Variants in NUSAP1 observed in about 807,000 individuals in gnomAD.
The protein encoded by NUSAP1 is nucleolar and spindle-associated protein 1.
In NUSAP1, 32 loss-of-function variants were observed where a neutral mutation model predicts 52.8. The observed-to-expected ratio is 0.61, with a 90% CI of 0.46 to 0.81. The LOEUF (loss-of-function observed/expected upper bound fraction) is 0.81, where lower values mean the gene tolerates loss of function less well. Among genes scored for constraint, NUSAP1 ranks in the 40% least tolerant of loss-of-function variants. NUSAP1 has a pLI of 0.00. For missense variants in NUSAP1, 499 were observed against 522.3 expected, an observed-to-expected ratio of 0.96 and a Z score of 0.43; for synonymous variants, 195 against 183.1, an observed-to-expected ratio of 1.06 and a Z score of -0.52.
intron 8 of NUSAP1, among the ~76,000 whole-genome samples, chr15:41,373,090 CAA>C (rs1311986817): frequency 1.4e-5 from 2 of 141,012 alleles, no homozygotes; most frequent in Admixed American, 7.1e-5. Flanking sequence ...AACCCTGTCT[CAA>C]AAAAAAAAAG....
chr15:41,359,371 T>C (rs11070328), intron 6 of NUSAP1, among the ~76,000 whole-genome samples: 32,337 of 152,148 alleles, frequency 0.21, 3,704 homozygotes, highest in Non-Finnish European at 0.25. Flanking sequence ...ATAATGTAAG[T>C]TTATGGTATT....
chr15:41,378,944 GTT>G (rs1187469450), intron 10 of NUSAP1, among the ~76,000 whole-genome samples: 25 of 63,254 alleles, frequency 4.0e-4, no homozygotes, highest in South Asian at 1.5e-3. Flanking sequence ...ACTTATCTTG[GTT>G]TTTTTTTTTT....
chr15:41,362,546 T>C (rs899548985), intron 6 of NUSAP1, among the ~76,000 whole-genome samples: 2 of 151,472 alleles, frequency 1.3e-5, no homozygotes, highest in East Asian at 3.9e-4. Context: ...TGTCTCAGCC[T>C]CCTGAGTAGC....
chr15:41,362,253 TA>T (rs1224275314), intron 6 of NUSAP1, among the ~76,000 whole-genome samples: 1 of 151,662 alleles, frequency 6.6e-6, no homozygotes, highest in Non-Finnish European at 1.5e-5. Context: ...TTATTTATAA[TA>T]AAAAGATTGG....
intron 1 of NUSAP1, 39 bp downstream of exon 1, chr15:41,333,089 C>G: frequency 1.3e-6 from 2 of 1,489,174 alleles, no homozygotes; most frequent in Admixed American, 1.8e-5. Flanking sequence ...GCGGGCGCGG[C>G]GGGAATAGCG....
chr15:41,347,130 G>A (rs533862615), intron 2 of NUSAP1, among the ~76,000 whole-genome samples: 1 of 151,692 alleles, frequency 6.6e-6, no homozygotes, highest in African/African-American at 2.4e-5. Flanking sequence ...CGAGATTATA[G>A]CACTGCACTC....
intron 10 of NUSAP1, among the ~76,000 whole-genome samples, chr15:41,378,694 C>T (rs912583021): frequency 3.3e-5 from 5 of 152,048 alleles, no homozygotes; most frequent in African/African-American, 9.6e-5. Flanking sequence ...CACTTGAACC[C>T]GGGAGGCGGA....
intron 5 of NUSAP1, among the ~76,000 whole-genome samples, chr15:41,356,492 C>G (rs1314280505): frequency 6.6e-6 from 1 of 151,514 alleles, no homozygotes; most frequent in Non-Finnish European, 1.5e-5. Context: ...GTAGCTGGGA[C>G]TACAGGTGTG....
At chr15:41,346,876 T>G (rs1402889094) in intron 2 of NUSAP1, among the ~76,000 whole-genome samples, 2 of 136,006 alleles carry the variant, frequency 1.5e-5, no homozygotes, top group Admixed American at 1.5e-4. Flanking sequence ...AATAAATAAA[T>G]AAATACTGAT....
chr15:41,353,328 G>C (rs909481869), intron 4 of NUSAP1, among the ~76,000 whole-genome samples: 3 of 152,018 alleles, frequency 2.0e-5, no homozygotes, highest in Admixed American at 2.0e-4. Context: ...TTTCAGTAGA[G>C]ACAGGGTTTC....
At chr15:41,344,383 A>T (rs2048479886) in intron 2 of NUSAP1, among the ~76,000 whole-genome samples, 1 of 152,148 alleles carries the variant, frequency 6.6e-6, no homozygotes, top group African/African-American at 2.4e-5. Flanking sequence ...TCACACCTGT[A>T]ATCCCAGCAC....
chr15:41,355,160 A>G (rs1431756495), intron 4 of NUSAP1, among the ~76,000 whole-genome samples: 1 of 145,794 alleles, frequency 6.9e-6, no homozygotes, highest in African/African-American at 2.6e-5. Context: ...AACTTTCTGT[A>G]TTTTTATTTT....
intron 2 of NUSAP1, among the ~76,000 whole-genome samples, chr15:41,347,211 C>T (rs1403287518): frequency 6.6e-6 from 1 of 152,048 alleles, no homozygotes; most frequent in Non-Finnish European, 1.5e-5. Flanking sequence ...CACTAAACCT[C>T]AAGCCAAATA....
At chr15:41,364,772 G>T (rs940676658) in intron 6 of NUSAP1, among the ~76,000 whole-genome samples, 3 of 152,102 alleles carry the variant, frequency 2.0e-5, no homozygotes, top group African/African-American at 7.2e-5. Flanking sequence ...GAAGGCTAAG[G>T]TGGGAGGATC....
chr15:41,338,629 A>T (rs1003646715), intron 1 of NUSAP1, among the ~76,000 whole-genome samples: 1 of 152,074 alleles, frequency 6.6e-6, no homozygotes, highest in Non-Finnish European at 1.5e-5. Flanking sequence ...AGTTGGAGTG[A>T]TATTTGAAAC....
chr15:41,356,354 C>CTT (rs398026995), intron 5 of NUSAP1, among the ~76,000 whole-genome samples: 31,242 of 124,538 alleles, frequency 0.25, 4,654 homozygotes, highest in Non-Finnish European at 0.27. Context: ...CTATTTCTTT[C>CTT]TTTTTTTTTT....
At chr15:41,364,779 G>A (rs929765997) in intron 6 of NUSAP1, among the ~76,000 whole-genome samples, 4 of 151,686 alleles carry the variant, frequency 2.6e-5, no homozygotes, top group East Asian at 1.9e-4. Context: ...AAGGTGGGAG[G>A]ATCGCTTGAA....
chr15:41,349,004 T>G (rs2048684964), intron 2 of NUSAP1, 94 bp from the exon 3 acceptor site: 1 of 1,265,432 alleles, frequency 7.9e-7, no homozygotes. Context: ...CTTTTGCATA[T>G]GTAATATGTT....
intron 8 of NUSAP1, among the ~76,000 whole-genome samples, chr15:41,372,250 G>T (rs2049730583): frequency 6.6e-6 from 1 of 151,976 alleles, no homozygotes; most frequent in Non-Finnish European, 1.5e-5. Context: ...TGTGCCCCTT[G>T]TGGGACTCAG....
Sources: gnomAD v4.1 joint callset for allele counts (sites outside exome capture counted in the v4.1 genomes callset) on GRCh38, gnomAD v4.1.1 for gene constraint, MANE v1.5 for transcripts, NCBI Gene and HGNC (gene_info 2026-07-23, HGNC 2026-07-21) for gene names.